The following NRG3 variants were observed in gnomAD, a reference collection of about 807,000 sequenced individuals.
NRG3 encodes pro-neuregulin-3, membrane-bound isoform.
In NRG3, 31 loss-of-function variants were observed where a neutral mutation model predicts 66.9. The ratio of observed to expected loss-of-function variants is 0.46; its 90% confidence interval spans 0.35 to 0.63. The LOEUF (loss-of-function observed/expected upper bound fraction) is 0.63, where lower values mean the gene tolerates loss of function less well. NRG3 is among the 20% of genes least tolerant of loss of function. NRG3 has a pLI of 0.00. For missense variants in NRG3, 910 were observed against 878.9 expected (o/e 1.04, Z -0.45); for synonymous variants, 393 against 359.4 (o/e 1.09, Z -1.06).
At chr10:82,429,571 A>G (rs1442353046) in intron 2 of NRG3, among the ~76,000 whole-genome samples, 1 of 152,060 alleles carries the variant, frequency 6.6e-6, no homozygotes, top group Non-Finnish European at 1.5e-5. Context: ...GACCTTTGAC[A>G]GTTTGACTAT....
At chr10:82,388,413 G>T (rs2086147303) in intron 2 of NRG3, among the ~76,000 whole-genome samples, 1 of 152,078 alleles carries the variant, frequency 6.6e-6, no homozygotes, top group Non-Finnish European at 1.5e-5. Flanking sequence ...TAGAAGTATT[G>T]GTGACTAGTG....
At chr10:82,279,651 G>A (rs1383490473) in intron 1 of NRG3, among the ~76,000 whole-genome samples, 1 of 152,112 alleles carries the variant, frequency 6.6e-6, no homozygotes, top group East Asian at 1.9e-4. Flanking sequence ...TTCTGACAAC[G>A]AACACGGAGT....
intron 1 of NRG3, among the ~76,000 whole-genome samples, chr10:81,967,926 G>C (rs530601654): frequency 6.6e-6 from 1 of 152,228 alleles, no homozygotes; most frequent in South Asian, 2.1e-4. Context: ...AGTGTATTTG[G>C]ACTTGCTCTT....
chr10:82,105,971 C>G (rs1370700714), intron 1 of NRG3, among the ~76,000 whole-genome samples: 1 of 152,118 alleles, frequency 6.6e-6, no homozygotes, highest in Non-Finnish European at 1.5e-5. Context: ...CATCCATGAC[C>G]TGAGGGATAT....
chr10:82,926,815 A>C (rs1564636469), intron 4 of NRG3, among the ~76,000 whole-genome samples: 1 of 152,262 alleles, frequency 6.6e-6, no homozygotes, highest in African/African-American at 2.4e-5. Context: ...GAATAAAAAC[A>C]GTTCTTGTCT....
At chr10:82,219,169 A>G (rs1015171478) in intron 1 of NRG3, among the ~76,000 whole-genome samples, 14 of 151,058 alleles carry the variant, frequency 9.3e-5, no homozygotes, top group South Asian at 4.2e-4. Flanking sequence ...ATGTCAATCT[A>G]AAAAGGGTTT....
chr10:82,415,002 T>C lies in NRG3; in HGVS notation c.953+56134T>C, dbSNP rs76237290. ...TATTTAAATCAACTGATCATAAATATTAATCAACTCTATAAAATACCTTAT... is the reference window on the plus strand; with the variant it reads ...TATTTAAATCAACTGATCATAAATACTAATCAACTCTATAAAATACCTTAT... On this transcript the variant is annotated intron_variant, in intron 2 of 8. Coordinates refer to ENST00000372141, the MANE Select transcript of NRG3 (RefSeq NM_001010848.4). 4.3e-3 allele frequency among the ~76,000 whole-genome samples: 648 copies of C among 152,292 alleles called. 19 individuals carry two copies. The East Asian group carries it at 0.078, about 18-fold the overall frequency.
chr10:82,639,364 C>G (rs619113), intron 2 of NRG3, among the ~76,000 whole-genome samples: 106,797 of 151,850 alleles, frequency 0.7, 37,762 homozygotes, highest in Middle Eastern at 0.82. Flanking sequence ...ATGACCTAAT[C>G]ACTTCCCAAG....
At position 82,038,751 on chromosome 10, in the gene NRG3, G is replaced by A. The variant is rs1328592580; in HGVS notation, c.823+162588G>A. On this transcript the variant is annotated intron_variant, in intron 1 of 8. Coordinates refer to ENST00000372141, the MANE Select transcript of NRG3 (RefSeq NM_001010848.4). ...TTCTGGGACTACCACCTGAACATTT[G>A]TTTTGTCTTGGCTTCTTCCCTGCAG... Among the ~76,000 whole-genome samples, 5 of 152,078 alleles carry A rather than the reference G, an allele frequency of 3.3e-5. No individual in the cohort carries two copies. In the East Asian group the frequency reaches 9.7e-4, roughly 30 times the overall value.
At chr10:82,099,583 T>A (rs2066596498) in intron 1 of NRG3, among the ~76,000 whole-genome samples, 1 of 152,232 alleles carries the variant, frequency 6.6e-6, no homozygotes, top group Admixed American at 6.5e-5. Flanking sequence ...AATTTTAGAA[T>A]AAACTTGTTG....
chr10:82,462,594 G>A (rs78893532), intron 2 of NRG3, among the ~76,000 whole-genome samples: 8,341 of 152,050 alleles, frequency 0.055, 311 homozygotes, highest in Non-Finnish European at 0.083. Flanking sequence ...TGAGGAGATG[G>A]GAGCTGAGAA....
intron 1 of NRG3, among the ~76,000 whole-genome samples, chr10:82,159,524 T>C (rs1002986471): frequency 6.6e-6 from 1 of 151,960 alleles, no homozygotes; most frequent in African/African-American, 2.4e-5. Context: ...CCTGGGTGGC[T>C]AACGCCCTCT....
rs149987849 is a variant in NRG3 at position 82,583,174 on chromosome 10, GAAAAGC to G, written c.954-155401_954-155396del. Among the ~76,000 whole-genome samples, 652 of 152,236 alleles carry G rather than the reference GAAAAGC, an allele frequency of 4.3e-3. 3 individuals are homozygous for G. Among genetic ancestry groups the G allele is most frequent in the Non-Finnish European group, 7.5e-3 (511 of 67,994 alleles). On this transcript the variant is annotated intron_variant, in intron 2 of 8. Coordinates refer to ENST00000372141, the MANE Select transcript of NRG3 (RefSeq NM_001010848.4). ...AATAGTGACAAAAATAGGTGAGGAAGAAAAGCACATGATTGAACATTAGAAGTAAAT... is the reference window on the plus strand; with the variant it reads ...AATAGTGACAAAAATAGGTGAGGAAGACATGATTGAACATTAGAAGTAAAT...
Position 81,877,900 on chromosome 10 carries a change from A to G in NRG3, c.823+1737A>G, listed in dbSNP as rs115021934. 9.8e-4 allele frequency: 1,512 copies of G among 1,535,260 alleles called. 12 individuals are homozygous for G. In the African/African-American group the frequency reaches 0.019, roughly 19 times the overall value. On this transcript the variant is annotated intron_variant, in intron 1 of 8. Coordinates refer to ENST00000372141, the MANE Select transcript of NRG3 (RefSeq NM_001010848.4). ...TGTGAACATATTCAATGGATTGAAAATGAGTCTACCCTGAAGACCCCAGAT... is the reference window on the plus strand; with the variant it reads ...TGTGAACATATTCAATGGATTGAAAGTGAGTCTACCCTGAAGACCCCAGAT...
chr10:81,941,029 T>C (rs1249981434), intron 1 of NRG3, among the ~76,000 whole-genome samples: 2 of 152,048 alleles, frequency 1.3e-5, no homozygotes, highest in Non-Finnish European at 2.9e-5. Flanking sequence ...AGAAGCACAG[T>C]AAAAATAAAA....
At chr10:81,938,558 A>C (rs1848106667) in intron 1 of NRG3, among the ~76,000 whole-genome samples, 1 of 150,612 alleles carries the variant, frequency 6.6e-6, no homozygotes, top group Non-Finnish European at 1.5e-5. Context: ...AAACACAGAC[A>C]ATTTTTTAAT....
At chr10:82,830,661 GA>G (rs1486793767) in intron 3 of NRG3, among the ~76,000 whole-genome samples, 1 of 152,152 alleles carries the variant, frequency 6.6e-6, no homozygotes, top group Non-Finnish European at 1.5e-5. Flanking sequence ...GACTGCACAT[GA>G]GAATCTTTTG....
intron 2 of NRG3, among the ~76,000 whole-genome samples, chr10:82,673,917 C>G (rs560257285): frequency 1.3e-5 from 2 of 152,022 alleles, no homozygotes; most frequent in Non-Finnish European, 2.9e-5. Flanking sequence ...CAGGAGAGAA[C>G]GATCCTAGGG....
At chr10:82,302,676 A>G (rs1353001305) in intron 1 of NRG3, among the ~76,000 whole-genome samples, 1 of 152,180 alleles carries the variant, frequency 6.6e-6, no homozygotes, top group Non-Finnish European at 1.5e-5. Flanking sequence ...ATTTAAGTTA[A>G]TGAAGGATAT....
Sources: allele counts gnomAD v4.1 joint callset (sites outside exome capture counted in the v4.1 genomes callset), GRCh38; gene constraint gnomAD v4.1.1; transcripts MANE v1.5; gene names NCBI Gene and HGNC (gene_info 2026-07-23, HGNC 2026-07-21).